The following UBA2 variants were observed in gnomAD, a reference collection of about 807,000 sequenced individuals.
UBA2 encodes the protein ubiquitin like modifier activating enzyme 2, also known as SUMO-activating enzyme subunit 2.
UBA2 carries 11 observed loss-of-function variants against 77.2 expected under a neutral mutation model. That is an observed-to-expected ratio of 0.14 (90% CI 0.09 to 0.24). UBA2 has a LOEUF of 0.24. Among genes scored for constraint, UBA2 ranks in the 10% least tolerant of loss-of-function variants. The probability of loss-of-function intolerance (pLI) is 1.00; values close to 1 mark genes in which losing one functional copy is unlikely to be tolerated. For missense variants in UBA2, 487 were observed against 781.7 expected, an observed-to-expected ratio of 0.62 and a Z score of 4.50; for synonymous variants, 278 against 276.7, an observed-to-expected ratio of 1.00 and a Z score of -0.05.
rs1421792573 is a variant in UBA2, at chr19:34,452,009, G to A, written c.900G>A (p.Gln300=). 2 of 1,596,084 alleles carry A rather than the reference G, an allele frequency of 1.3e-6. No individual in the cohort carries two copies. The highest frequency in any genetic ancestry group is 1.7e-6 in the Non-Finnish European group (2 of 1,170,578). ...AAGAAACGAATGCATCAGATCAACA[G>A]AATGAACCCCAGTTAGGCCTGAAAG... ...QGEETNASDQ[Q]NEPQLGLKDQ... Residue 300 remains glutamine, a synonymous_variant, in exon 10 of 17, where the codon CAG becomes CAA. Transcript: ENST00000246548.
intron 7 of UBA2, among the ~76,000 whole-genome samples, chr19:34,444,644 A>G (rs1043396076): frequency 1.3e-5 from 2 of 152,168 alleles, no homozygotes; most frequent in Non-Finnish European, 2.9e-5. Flanking sequence ...CTGTCTCTAC[A>G]AAAAATATAA....
At chr19:34,446,776 T>C (rs1165224423) in intron 8 of UBA2, among the ~76,000 whole-genome samples, 1 of 152,038 alleles carries the variant, frequency 6.6e-6, no homozygotes, top group African/African-American at 2.4e-5. Context: ...CTGGCTAATT[T>C]TTGTATTTTT....
At chr19:34,463,940 A>G (rs1168302216) in intron 14 of UBA2, 86 bp from the exon 15 acceptor site, 6 of 915,522 alleles carry the variant, frequency 6.6e-6, no homozygotes, top group Middle Eastern at 3.1e-4. Context: ...AAATCAGCCC[A>G]TAACAGAGGT....
chr19:34,464,552 C>T (rs2075667915), intron 15 of UBA2, among the ~76,000 whole-genome samples: 1 of 114,746 alleles, frequency 8.7e-6, no homozygotes, highest in African/African-American at 2.7e-5. Flanking sequence ...AGTGAGACTC[C>T]AACTTAAAAA....
At chr19:34,463,211 G>A (rs557503433) in intron 14 of UBA2, among the ~76,000 whole-genome samples, 54 of 152,296 alleles carry the variant, frequency 3.5e-4, no homozygotes, top group African/African-American at 1.2e-3. Context: ...ACTCTGGCCT[G>A]TGTGACACGG....
chr19:34,462,246 A>C (rs2075639541), intron 14 of UBA2, among the ~76,000 whole-genome samples: 1 of 152,166 alleles, frequency 6.6e-6, no homozygotes, highest in South Asian at 2.1e-4. Flanking sequence ...GATTTTTACT[A>C]AGGCAGAGGC....
chr19:34,457,576 C>A (rs1001548322), intron 12 of UBA2, among the ~76,000 whole-genome samples: 1 of 152,130 alleles, frequency 6.6e-6, no homozygotes, highest in Non-Finnish European at 1.5e-5. Flanking sequence ...CAGTTTGCTT[C>A]TAGCCCTTCC....
intron 15 of UBA2, among the ~76,000 whole-genome samples, chr19:34,464,513 G>A (rs762350688): frequency 6.6e-6 from 1 of 151,036 alleles, no homozygotes; most frequent in East Asian, 1.9e-4. Flanking sequence ...AGCCGGGATC[G>A]CGCCATTGCA....
At chr19:34,466,480 T>C (rs1241787284) in intron 15 of UBA2, among the ~76,000 whole-genome samples, 2 of 152,280 alleles carry the variant, frequency 1.3e-5, no homozygotes, top group Non-Finnish European at 2.9e-5. Context: ...AGTTATTTAC[T>C]GTTTTAAAGA....
At chr19:34,440,705 TC>T (rs1237828474) in intron 6 of UBA2, among the ~76,000 whole-genome samples, 1 of 152,134 alleles carries the variant, frequency 6.6e-6, no homozygotes, top group Non-Finnish European at 1.5e-5. Flanking sequence ...AGCGGGTGGA[TC>T]ACCTGAGGTC....
At chr19:34,429,344 A>G in intron 1 of UBA2, 1 of 716,612 alleles carries the variant, frequency 1.4e-6, no homozygotes, top group Non-Finnish European at 1.7e-6. Flanking sequence ...GAGATTGGAG[A>G]TGTTACTGGC....
chr19:34,457,993 G>T (rs2075586741), intron 12 of UBA2, among the ~76,000 whole-genome samples: 1 of 152,088 alleles, frequency 6.6e-6, no homozygotes, highest in African/African-American at 2.4e-5. Flanking sequence ...GAAAATTTGG[G>T]AAGGCAGTGA....
rs199570277 is a variant in UBA2 at position 34,462,736 on chromosome 19, C to T, written c.1499-1290C>T. Among the ~76,000 whole-genome samples, 5 of 152,172 alleles carry T rather than the reference C, an allele frequency of 3.3e-5. No homozygotes were observed. In the East Asian group the frequency reaches 7.7e-4, roughly 23 times the overall value. ...ATCCTAGCACTTTGAGGGGCCGAGG[C>T]GGGCAGATCACTTGAGGCCAGGAGT... On this transcript the variant is annotated intron_variant, in intron 14 of 16. Transcript: ENST00000246548.
chr19:34,443,927 G>A lies in UBA2; in HGVS notation c.649+16G>A. 1 of 1,575,422 alleles carries A rather than the reference G, an allele frequency of 6.3e-7. No individual in the cohort carries two copies. Among genetic ancestry groups the A allele is most frequent in the Non-Finnish European group, 8.7e-7 (1 of 1,146,286 alleles). ...GAAGCTGCCTGTGAGTAAATTATTT[G>A]GCATATGTTTTATCAGATACTATTA... On this transcript the variant is annotated intron_variant, in intron 7 of 16. Transcript: ENST00000246548.
At chr19:34,457,650 G>A (rs2075583175) in intron 12 of UBA2, among the ~76,000 whole-genome samples, 1 of 152,084 alleles carries the variant, frequency 6.6e-6, no homozygotes, top group South Asian at 2.1e-4. Context: ...GTCTCTTGAG[G>A]GATTTAGTTC....
At chr19:34,464,960 C>T (rs973832122) in intron 15 of UBA2, among the ~76,000 whole-genome samples, 1 of 151,998 alleles carries the variant, frequency 6.6e-6, no homozygotes, top group African/African-American at 2.4e-5. Flanking sequence ...ATCCCAGAAA[C>T]TTAGGAGGCA....
In UBA2 at chr19:34,469,023, C is replaced by G. The variant is rs925844096; in HGVS notation, c.1742-17C>G. On this transcript the variant is annotated splice_polypyrimidine_tract_variant and intron_variant, in intron 16 of 16. Transcript: ENST00000246548. ...ACGCTTTTACCCATTTTCTTTTTCC[C>G]TTTTTTCTGAAATAAGCTCAAGAGC... The G allele has an allele frequency of 6.3e-7, 1 of 1,580,982 alleles. No homozygotes were observed. The highest frequency in any genetic ancestry group is 1.4e-5 in the African/African-American group (1 of 73,060).
At chr19:34,462,963 AG>A (rs926761822) in intron 14 of UBA2, among the ~76,000 whole-genome samples, 1 of 151,910 alleles carries the variant, frequency 6.6e-6, no homozygotes, top group Non-Finnish European at 1.5e-5. Context: ...GGCATGGTGG[AG>A]GGGGTGCATT....
intron 14 of UBA2, among the ~76,000 whole-genome samples, chr19:34,462,296 C>T (rs371473368): frequency 6.6e-6 from 1 of 152,132 alleles, no homozygotes; most frequent in African/African-American, 2.4e-5. Context: ...GAACTTGGAG[C>T]CCAGTTGAGG....
Sources: allele counts gnomAD v4.1 joint callset (sites outside exome capture counted in the v4.1 genomes callset), GRCh38; gene constraint gnomAD v4.1.1; transcripts MANE v1.5; gene names NCBI Gene and HGNC (gene_info 2026-07-23, HGNC 2026-07-21).